Variants in OPRK1 observed in about 807,000 individuals in gnomAD.
The protein encoded by OPRK1 is kappa-type opioid receptor.
In OPRK1, 15 loss-of-function variants were observed where a neutral mutation model predicts 24.5. That is an observed-to-expected ratio of 0.61 (90% CI 0.41 to 0.94). OPRK1 has a LOEUF of 0.94. OPRK1 is among the 40% of genes least tolerant of loss of function. The pLI is 0.00. For missense variants in OPRK1, 479 were observed against 507.3 expected (o/e 0.94, Z 0.54); for synonymous variants, 205 against 198.0 (o/e 1.04, Z -0.30).
chr8:53,248,473 C>G (rs1807289420), intron 2 of OPRK1, among the ~76,000 whole-genome samples: 1 of 152,190 alleles, frequency 6.6e-6, no homozygotes. Flanking sequence ...TCTTCAGTAA[C>G]AAGGGCTATG....
Position 53,229,670 on chromosome 8 carries a change from C to T in OPRK1, c.770G>A (p.Arg257Gln), listed in dbSNP as rs202146898. Residue 257 changes from arginine (R) to glutamine (Q), a missense_variant, in exon 4 of 4, where the codon CGG becomes CAG. Physicochemically the swap from Arg to Gln is conservative, Grantham distance 43. Transcript: ENST00000265572. ...TLMILRLKSV[R>Q]LLSGSREKDR... is the part of the protein sequence containing the mutation. Reference sequence around the variant, plus strand: ...TTTCTCTCGGGAGCCAGAAAGGAGCCGGACGCTCTTGAGACGCAGGATCAT... The same window carrying T: ...TTTCTCTCGGGAGCCAGAAAGGAGCTGGACGCTCTTGAGACGCAGGATCAT... 2.4e-5 allele frequency: 39 copies of T among 1,613,868 alleles called. No individual in the cohort carries two copies. Among genetic ancestry groups the T allele is most frequent in the South Asian group, 3.3e-5 (3 of 91,080 alleles).
intron 1 of OPRK1, 161 bp downstream of exon 1, chr8:53,251,287 T>TCCC: frequency 1.8e-6 from 1 of 557,212 alleles, no homozygotes; most frequent in Middle Eastern, 4.8e-4. Flanking sequence ...GAGCGCTCGC[T>TCCC]CCTTCTCCCC....
At chr8:53,234,510 A>T (rs942343250) in intron 3 of OPRK1, among the ~76,000 whole-genome samples, 7 of 152,132 alleles carry the variant, frequency 4.6e-5, no homozygotes, top group Non-Finnish European at 7.3e-5. Flanking sequence ...ACTTTCTACT[A>T]AACATTGCCA....
chr8:53,229,483 G>A lies in OPRK1; in HGVS notation c.957C>T (p.Gly319=). The part of the protein sequence containing the change: ...LSSYYFCIAL[G]YTNSSLNPIL... ...TGGGATTCAGGCTACTGTTGGTATA[G>A]CCTAAGGCGATGCAGAAGTAATAGC... Residue 319 remains glycine (G), a synonymous_variant, in exon 4 of 4, where the codon GGC becomes GGT. Transcript: ENST00000265572. 6.2e-7 allele frequency: 1 copy of A among 1,614,224 alleles called. No homozygotes were observed. Among genetic ancestry groups the A allele is most frequent in the Non-Finnish European group, 8.5e-7 (1 of 1,180,042 alleles).
Position 53,227,886 on chromosome 8 carries a change from G to T in OPRK1, c.*1411C>A, listed in dbSNP as rs955189512. ...AGGATGCAGCCCTAGTAATATATAG[G>T]CTTGGAGTGTTATTTCTAAATTATC... On this transcript the variant is annotated 3_prime_UTR_variant, in exon 4 of 4. Coordinates refer to ENST00000265572, the MANE Select transcript of OPRK1 (RefSeq NM_000912.5). The T allele has an allele frequency of 1.3e-5, 2 of 151,854 alleles. No homozygotes were observed. The highest frequency in any genetic ancestry group is 2.9e-5 in the Non-Finnish European group (2 of 68,008). The allele number at this position is 151,854 out of a possible 1,614,324, so 9.4% of individuals were successfully genotyped here. A position where few individuals can be genotyped will look rare whatever the true frequency, so the allele number is the denominator to read the frequency against.
At chr8:53,234,423 A>T (rs1184729367) in intron 3 of OPRK1, among the ~76,000 whole-genome samples, 1 of 152,156 alleles carries the variant, frequency 6.6e-6, no homozygotes, top group Non-Finnish European at 1.5e-5. Flanking sequence ...AGGAGTGAGA[A>T]GGTGTGTCCT....
intron 2 of OPRK1, among the ~76,000 whole-genome samples, chr8:53,244,366 G>T (rs1030054777): frequency 6.6e-6 from 1 of 152,218 alleles, no homozygotes; most frequent in African/African-American, 2.4e-5. Flanking sequence ...GGGTGAGTTG[G>T]CTCCCTTTGG....
At chr8:53,236,931 T>A (rs770797793) in intron 2 of OPRK1, among the ~76,000 whole-genome samples, 4 of 152,180 alleles carry the variant, frequency 2.6e-5, no homozygotes, top group Admixed American at 2.0e-4. Flanking sequence ...TGCTATAAAC[T>A]TAGGCAGACC....
At chr8:53,238,412 C>A in intron 2 of OPRK1, 1 of 448,996 alleles carries the variant, frequency 2.2e-6, no homozygotes, top group Non-Finnish European at 2.9e-6. Context: ...ATGAAAAGAG[C>A]AAAGTCCGTG....
At chr8:53,245,312 C>T (rs943674582) in intron 2 of OPRK1, among the ~76,000 whole-genome samples, 1 of 152,140 alleles carries the variant, frequency 6.6e-6, no homozygotes, top group African/African-American at 2.4e-5. Context: ...GAGATTAAGA[C>T]ACAGATGTGT....
intron 2 of OPRK1, among the ~76,000 whole-genome samples, chr8:53,243,340 A>C (rs1254275335): frequency 6.6e-6 from 1 of 152,246 alleles, no homozygotes; most frequent in East Asian, 1.9e-4. Flanking sequence ...AGTCATGGAG[A>C]GGAGATATTC....
At chr8:53,248,028 AG>A (rs1181192719) in intron 2 of OPRK1, among the ~76,000 whole-genome samples, 7 of 134,044 alleles carry the variant, frequency 5.2e-5, no homozygotes, top group African/African-American at 2.0e-4. Context: ...AAGAATCCTG[AG>A]GGTCACACCC....
intron 3 of OPRK1, among the ~76,000 whole-genome samples, 157 bp from the exon 4 acceptor site, chr8:53,229,986 A>G (rs1488110086): frequency 6.6e-6 from 1 of 152,096 alleles, no homozygotes; most frequent in Admixed American, 6.6e-5. Context: ...TTACTAATGA[A>G]TACTGTATTT....
intron 2 of OPRK1, among the ~76,000 whole-genome samples, chr8:53,240,772 T>G (rs1807094148): frequency 6.6e-6 from 1 of 152,102 alleles, no homozygotes; most frequent in Non-Finnish European, 1.5e-5. Context: ...AGCAGGGGGC[T>G]AGCATCAACA....
intron 2 of OPRK1, among the ~76,000 whole-genome samples, chr8:53,241,112 T>C (rs115330410): frequency 0.026 from 3,943 of 152,262 alleles, 156 homozygotes; most frequent in African/African-American, 0.09. Context: ...GAATGGAGAC[T>C]GTGCATGTGT....
chr8:53,245,594 T>A (rs1240562559), intron 2 of OPRK1, among the ~76,000 whole-genome samples: 1 of 152,062 alleles, frequency 6.6e-6, no homozygotes, highest in Non-Finnish European at 1.5e-5. Context: ...TCCAGCTGAG[T>A]CTGCAGAAAG....
In OPRK1 at chr8:53,229,165, A is replaced by G; in HGVS notation, c.*132T>C. On this transcript the variant is annotated 3_prime_UTR_variant, in exon 4 of 4. Coordinates refer to ENST00000265572, the MANE Select transcript of OPRK1 (RefSeq NM_000912.5). ...CGTGGTCTGCATCTGATGACTTCAG[A>G]CCATGAGATCTCTAAAAGTTTATTT... The G allele has an allele frequency of 3.5e-6, 4 of 1,139,860 alleles. No homozygotes were observed. Among genetic ancestry groups the G allele is most frequent in the Non-Finnish European group, 4.9e-6 (4 of 823,638 alleles). 70.6% of individuals were successfully genotyped at this position (1,139,860 alleles called of 1,614,324 possible).
At chr8:53,232,858 G>A (rs1806889269) in intron 3 of OPRK1, among the ~76,000 whole-genome samples, 1 of 152,138 alleles carries the variant, frequency 6.6e-6, no homozygotes, top group African/African-American at 2.4e-5. Context: ...CTATAAAAAA[G>A]TAAGAGCAGA....
At position 53,226,006 on chromosome 8, in the gene OPRK1, A is replaced by G. The variant is rs1345107251; in HGVS notation, c.*3291T>C. On this transcript the variant is annotated 3_prime_UTR_variant, in exon 4 of 4. Transcript: ENST00000265572. Reference sequence around the variant, plus strand: ...AACCTTTCACAGCTTTCACTTTACAATGTTCCAATTTAAAGTCAGCCAGTG... The same window carrying G: ...AACCTTTCACAGCTTTCACTTTACAGTGTTCCAATTTAAAGTCAGCCAGTG... 14 of 152,160 alleles carry G rather than the reference A, an allele frequency of 9.2e-5. No individual in the cohort carries two copies. Among genetic ancestry groups the G allele is most frequent in the Admixed American group, 8.5e-4 (13 of 15,272 alleles). The allele number at this position is 152,160 out of a possible 1,614,324, so 9.4% of individuals were successfully genotyped here.
Sources: gnomAD v4.1 joint callset for allele counts (sites outside exome capture counted in the v4.1 genomes callset) on GRCh38, gnomAD v4.1.1 for gene constraint, MANE v1.5 for transcripts, NCBI Gene and HGNC (gene_info 2026-07-23, HGNC 2026-07-21) for gene names.